USP47: variants seen among roughly 807,000 people sequenced by gnomAD.
USP47 encodes ubiquitin carboxyl-terminal hydrolase 47.
In USP47, 35 loss-of-function variants were observed where a neutral mutation model predicts 165.1. That is an observed-to-expected ratio of 0.21 (90% CI 0.16 to 0.28). The LOEUF is 0.28. Ranked by LOEUF, USP47 falls within the 10% of genes least tolerant of loss-of-function variation. The pLI, the probability that USP47 is intolerant of heterozygous loss-of-function variation, is 1.00. For missense variants in USP47, 1,277 were observed against 1,607.4 expected (o/e 0.79, Z 3.52); for synonymous variants, 531 against 544.5 (o/e 0.98, Z 0.35).
At chr11:11,926,917 T>C (rs1854294906) in intron 11 of USP47, among the ~76,000 whole-genome samples, 1 of 134,222 alleles carries the variant, frequency 7.5e-6, no homozygotes, top group Non-Finnish European at 1.7e-5. Flanking sequence ...TCTCAAGATA[T>C]TTTCTAATTT....
At position 11,950,440 on chromosome 11, in the gene USP47, A is replaced by G; in HGVS notation, c.3541A>G (p.Asn1181Asp). The G allele has an allele frequency of 6.2e-7, 1 of 1,606,444 alleles. No homozygotes were observed. Among genetic ancestry groups the G allele is most frequent in the Non-Finnish European group, 8.5e-7 (1 of 1,177,700 alleles). The change falls in exon 24 of 28, where the codon AAT becomes GAT. Residue 1181 changes from asparagine (N) to aspartate (D), a missense_variant. By Grantham distance (23) the Asn-to-Asp change is conservative (BLOSUM62 1). Around this residue, in one of 4 missense-constraint regions of USP47, gnomAD observed 909 missense variants for 1,068.1 expected, o/e 0.85. Coordinates refer to ENST00000527733, the MANE Select transcript of USP47 (RefSeq NM_001282659.2). The stretch of plus-strand genomic sequence containing the variant: ...TTATCATATTTATGAAGAAGATATT[A>G]ATATTTCCAGCAACTGGGAGGTTTT... Reference protein sequence around the residue: ...LDYHIYEEDINISSNWEVFLE... With the variant: ...LDYHIYEEDIDISSNWEVFLE...
At chr11:11,928,107 G>A (rs1205301572) in intron 11 of USP47, among the ~76,000 whole-genome samples, 2 of 151,894 alleles carry the variant, frequency 1.3e-5, no homozygotes, top group Non-Finnish European at 2.9e-5. Flanking sequence ...TATAGCTGTT[G>A]GTTGGCAGAC....
At chr11:11,889,347 A>G (rs960069751) in intron 3 of USP47, among the ~76,000 whole-genome samples, 2 of 152,172 alleles carry the variant, frequency 1.3e-5, no homozygotes, top group Non-Finnish European at 2.9e-5. Context: ...TAAGCTGATA[A>G]GCAACTTCAG....
intron 1 of USP47, among the ~76,000 whole-genome samples, chr11:11,856,027 T>C (rs556519976): frequency 6.6e-6 from 1 of 152,204 alleles, no homozygotes; most frequent in Non-Finnish European, 1.5e-5. Flanking sequence ...TTGATTATTA[T>C]GTAGAGAAGG....
intron 4 of USP47, among the ~76,000 whole-genome samples, chr11:11,894,370 C>T (rs61534884): frequency 0.014 from 2,184 of 152,088 alleles, 44 homozygotes; most frequent in African/African-American, 0.05. Context: ...GCAGGAGAAT[C>T]GCTTGAACCC....
intron 8 of USP47, among the ~76,000 whole-genome samples, chr11:11,917,475 C>T (rs906257719): frequency 6.6e-6 from 1 of 152,062 alleles, no homozygotes; most frequent in African/African-American, 2.4e-5. Context: ...ACGGGAACAG[C>T]AGAGTAGTAT....
chr11:11,861,529 T>A (rs1849386608), intron 1 of USP47, among the ~76,000 whole-genome samples: 2 of 152,334 alleles, frequency 1.3e-5, no homozygotes, highest in South Asian at 4.1e-4. Flanking sequence ...AACTTTGCAT[T>A]TTTAGTTTCC....
chr11:11,897,826 T>G (rs1469883598), intron 5 of USP47, 133 bp downstream of exon 5: 6 of 589,540 alleles, frequency 1.0e-5, no homozygotes, highest in Non-Finnish European at 1.8e-5. Flanking sequence ...ACTTCTTTCC[T>G]TACGTAATAA....
chr11:11,865,695 CT>C (rs1395653342), intron 1 of USP47, among the ~76,000 whole-genome samples: 2 of 152,044 alleles, frequency 1.3e-5, no homozygotes, highest in African/African-American at 2.4e-5. Flanking sequence ...ATCTCTCTCT[CT>C]TTTTTTCATT....
intron 6 of USP47, 123 bp downstream of exon 6, chr11:11,902,983 CAT>C: frequency 9.2e-7 from 1 of 1,085,580 alleles, no homozygotes; most frequent in Non-Finnish European, 1.3e-6. Context: ...AGTTTGTTGT[CAT>C]ATATTTTCTA....
intron 8 of USP47, among the ~76,000 whole-genome samples, chr11:11,909,916 A>G (rs541610199): frequency 3.6e-4 from 55 of 152,336 alleles, no homozygotes; most frequent in Middle Eastern, 6.8e-3. Context: ...TTACCCTGAC[A>G]TAACAGGTGG....
rs1590301362 is a variant in USP47, at chr11:11,885,674, G to A, written c.357+1094G>A. On this transcript the variant is annotated intron_variant, in intron 3 of 27. Coordinates refer to ENST00000527733, the MANE Select transcript of USP47 (RefSeq NM_001282659.2). ...CTCTGACCCCAGGATCCCCAACAAGGTGGGAAGTCCATACATAAATACCCC... is the reference window on the plus strand; with the variant it reads ...CTCTGACCCCAGGATCCCCAACAAGATGGGAAGTCCATACATAAATACCCC... Among the ~76,000 whole-genome samples, 3 of 152,248 alleles carry A rather than the reference G, an allele frequency of 2.0e-5. No individual in the cohort carries two copies. In the South Asian group the frequency reaches 6.2e-4, roughly 32 times the overall value.
intron 1 of USP47, among the ~76,000 whole-genome samples, chr11:11,857,175 C>T (rs1849096945): frequency 6.6e-6 from 1 of 151,952 alleles, no homozygotes; most frequent in South Asian, 2.1e-4. Context: ...CCAAAAGATG[C>T]AGCATGTTGC....
chr11:11,869,175 A>G (rs1849871587), intron 1 of USP47, among the ~76,000 whole-genome samples: 1 of 152,144 alleles, frequency 6.6e-6, no homozygotes, highest in Admixed American at 6.6e-5. Context: ...TGTCAAGGCT[A>G]AGGACTCTGC....
chr11:11,871,521 AAAAAAAAAAAAAAAAAAG>A (rs1431079920), intron 1 of USP47, among the ~76,000 whole-genome samples: 4 of 131,090 alleles, frequency 3.1e-5, no homozygotes, highest in Non-Finnish European at 4.5e-5. Context: ...AAAAAAAAAA[AAAAAAAAAAAAAAAAAAG>A]AATTCTGGTT....
Position 11,940,363 on chromosome 11 carries a change from C to T in USP47, c.2194-66C>T, listed in dbSNP as rs1236143351. The T allele has an allele frequency of 5.3e-6, 8 of 1,495,634 alleles. No individual in the cohort carries two copies. The African/African-American group carries it at 1.1e-4, about 21-fold the overall frequency. 92.6% of individuals were successfully genotyped at this position (1,495,634 alleles called of 1,614,324 possible). A position where few individuals can be genotyped will look rare whatever the true frequency, so the allele number is the denominator to read the frequency against. On this transcript the variant is annotated intron_variant, in intron 18 of 27. Transcript: ENST00000527733. ...AGAACTCAGCAGTGTCTTGCTTTCC[C>T]ATATTTTTAAGTCAAGCAGAATTAT...
intron 1 of USP47, among the ~76,000 whole-genome samples, chr11:11,844,933 C>G (rs1443980150): frequency 6.6e-6 from 1 of 152,084 alleles, no homozygotes; most frequent in African/African-American, 2.4e-5. Context: ...ATTGGCAAAC[C>G]ACGGCCTGTG....
intron 1 of USP47, among the ~76,000 whole-genome samples, chr11:11,845,312 T>C (rs1349092652): frequency 6.6e-6 from 1 of 152,170 alleles, no homozygotes; most frequent in African/African-American, 2.4e-5. Flanking sequence ...TGCATTTCAC[T>C]TCTGTTTGTG....
intron 15 of USP47, 48 bp downstream of exon 15, chr11:11,933,164 T>A (rs1285822252): frequency 6.8e-7 from 1 of 1,468,022 alleles, no homozygotes; most frequent in African/African-American, 1.4e-5. Flanking sequence ...ATTTTTAAGC[T>A]CGCTTACCTG....
Sources: gnomAD v4.1 joint callset for allele counts (sites outside exome capture counted in the v4.1 genomes callset) on GRCh38, gnomAD v4.1.1 for gene constraint, gnomAD v4.1.1 regional missense constraint, MANE v1.5 for transcripts, NCBI Gene and HGNC (gene_info 2026-07-23, HGNC 2026-07-21) for gene names.